The following ZEB1 variants were observed in gnomAD, a reference collection of about 807,000 sequenced individuals.
ZEB1 encodes zinc finger E-box-binding homeobox 1.
ZEB1 carries 21 observed loss-of-function variants against 84.9 expected under a neutral mutation model. The observed-to-expected ratio is 0.25, with a 90% CI of 0.18 to 0.36. The LOEUF is 0.36. Among genes scored for constraint, ZEB1 ranks in the 10% least tolerant of loss-of-function variants. ZEB1 has a pLI of 1.00. For missense variants in ZEB1, 1,104 were observed against 1,330.2 expected, an observed-to-expected ratio of 0.83 and a Z score of 2.65; for synonymous variants, 420 against 471.1, an observed-to-expected ratio of 0.89 and a Z score of 1.41.
At chr10:31,443,259 T>A (rs144238678) in intron 1 of ZEB1, among the ~76,000 whole-genome samples, 17 of 152,334 alleles carry the variant, frequency 1.1e-4, no homozygotes, top group African/African-American at 3.8e-4. Context: ...AATAAAGATG[T>A]CAGCCTTTAG....
intron 1 of ZEB1, among the ~76,000 whole-genome samples, chr10:31,392,841 TTTTG>T (rs1033133473): frequency 1.3e-5 from 2 of 151,780 alleles, no homozygotes; most frequent in East Asian, 1.9e-4. Flanking sequence ...ATATATATTT[TTTTG>T]TTTGTTTGAG....
chr10:31,509,030 A>G (rs1194617677), intron 4 of ZEB1, among the ~76,000 whole-genome samples: 1 of 151,796 alleles, frequency 6.6e-6, no homozygotes, highest in Non-Finnish European at 1.5e-5. Context: ...TGCTGGGAGG[A>G]GGTATGGTCA....
At chr10:31,410,215 T>C (rs2053980604) in intron 1 of ZEB1, among the ~76,000 whole-genome samples, 1 of 152,232 alleles carries the variant, frequency 6.6e-6, no homozygotes, top group African/African-American at 2.4e-5. Flanking sequence ...GTTTTTGGCA[T>C]GAACGGGTGT....
chr10:31,438,986 G>A (rs1253199888), intron 1 of ZEB1, among the ~76,000 whole-genome samples: 3 of 151,968 alleles, frequency 2.0e-5, no homozygotes, highest in Non-Finnish European at 4.4e-5. Context: ...AAATTATTTG[G>A]CTTTTTCTTT....
At chr10:31,447,729 G>C (rs2059971062) in intron 1 of ZEB1, among the ~76,000 whole-genome samples, 1 of 152,032 alleles carries the variant, frequency 6.6e-6, no homozygotes, top group South Asian at 2.1e-4. Context: ...CTTTAAGAAT[G>C]TTGAATATTG....
At chr10:31,353,610 A>G (rs2041656596) in intron 1 of ZEB1, among the ~76,000 whole-genome samples, 1 of 152,244 alleles carries the variant, frequency 6.6e-6, no homozygotes, top group African/African-American at 2.4e-5. Context: ...CAAAGAGATT[A>G]AGATACTGAA....
chr10:31,419,835 A>G (rs1332391789), intron 1 of ZEB1, among the ~76,000 whole-genome samples: 1 of 152,180 alleles, frequency 6.6e-6, no homozygotes, highest in Non-Finnish European at 1.5e-5. Flanking sequence ...GACTGAATGA[A>G]TAAGTTAGGC....
intron 1 of ZEB1, among the ~76,000 whole-genome samples, chr10:31,425,665 A>G (rs1014066407): frequency 6.6e-6 from 1 of 152,100 alleles, no homozygotes; most frequent in African/African-American, 2.4e-5. Context: ...TCACCCACAA[A>G]TTTTGAATTA....
At chr10:31,428,223 C>T (rs538453873) in intron 1 of ZEB1, among the ~76,000 whole-genome samples, 1 of 152,330 alleles carries the variant, frequency 6.6e-6, no homozygotes, top group Non-Finnish European at 1.5e-5. Flanking sequence ...TCCCTCTTAA[C>T]ACTGCCTTAG....
chr10:31,462,167 A>G (rs559855112), intron 2 of ZEB1, among the ~76,000 whole-genome samples: 1 of 152,330 alleles, frequency 6.6e-6, no homozygotes, highest in East Asian at 1.9e-4. Flanking sequence ...TTATCTGGAT[A>G]ATGAAATATG....
intron 1 of ZEB1, among the ~76,000 whole-genome samples, chr10:31,373,479 T>G (rs2046079184): frequency 6.6e-6 from 1 of 151,860 alleles, no homozygotes; most frequent in Non-Finnish European, 1.5e-5. Context: ...AATAGTATAT[T>G]ATAAAATTGC....
chr10:31,435,738 G>A (rs1228405741), intron 1 of ZEB1, among the ~76,000 whole-genome samples: 1 of 152,218 alleles, frequency 6.6e-6, no homozygotes, highest in Non-Finnish European at 1.5e-5. Context: ...GCCCAAAAAT[G>A]TGGAGCCTTG....
chr10:31,464,330 G>T (rs2062138390), intron 2 of ZEB1, among the ~76,000 whole-genome samples: 2 of 151,946 alleles, frequency 1.3e-5, no homozygotes, highest in African/African-American at 4.8e-5. Flanking sequence ...TCCAGCCTGG[G>T]CGACAGAGTA....
rs978850706 is a variant in ZEB1, at chr10:31,406,994, A to G, written c.59-54043A>G. ...TTTTTTGTCAGGTTTGTCAAAGATC[A>G]GATGGTTGTAGATGTGTGGTGTTAT... is the stretch of plus-strand genomic sequence containing the variant. On this transcript the variant is annotated intron_variant, in intron 1 of 8. Transcript: ENST00000424869. Among the ~76,000 whole-genome samples the G allele has an allele frequency of 2.5e-4, 38 of 152,258 alleles. 1 individual carries two copies. Among genetic ancestry groups the G allele is most frequent in the African/African-American group, 8.2e-4 (34 of 41,570 alleles).
intron 1 of ZEB1, among the ~76,000 whole-genome samples, chr10:31,385,646 C>T (rs2048494122): frequency 6.6e-6 from 1 of 151,718 alleles, no homozygotes; most frequent in South Asian, 2.1e-4. Context: ...CCTGCCTTAG[C>T]CCCCCCAAGT....
chr10:31,350,932 G>A (rs1332774829), intron 1 of ZEB1, among the ~76,000 whole-genome samples: 1 of 152,188 alleles, frequency 6.6e-6, no homozygotes, highest in African/African-American at 2.4e-5. Flanking sequence ...AATTGTTAGA[G>A]TTAGAAGTAG....
At chr10:31,444,958 A>T (rs1322679444) in intron 1 of ZEB1, among the ~76,000 whole-genome samples, 1 of 152,018 alleles carries the variant, frequency 6.6e-6, no homozygotes, top group Non-Finnish European at 1.5e-5. Context: ...GAAGAAAGTC[A>T]TTGGTAGCTT....
At chr10:31,439,579 G>A (rs1564857460) in intron 1 of ZEB1, among the ~76,000 whole-genome samples, 2 of 151,986 alleles carry the variant, frequency 1.3e-5, no homozygotes, top group African/African-American at 4.8e-5. Flanking sequence ...AATGGAACTT[G>A]CATTGTAGTG....
At chr10:31,320,414 G>T (rs1178977881) in intron 1 of ZEB1, 1 of 151,846 alleles carries the variant, frequency 6.6e-6, no homozygotes, top group African/African-American at 2.4e-5. Context: ...GTTGTTACCT[G>T]GGCCGGACGC....
Sources: gnomAD v4.1 joint callset for allele counts (sites outside exome capture counted in the v4.1 genomes callset) on GRCh38, gnomAD v4.1.1 for gene constraint, MANE v1.5 for transcripts, NCBI Gene and HGNC (gene_info 2026-07-23, HGNC 2026-07-21) for gene names.